LTBP1: variants seen among roughly 807,000 people sequenced by gnomAD.
LTBP1 encodes latent-transforming growth factor beta-binding protein 1.
LTBP1 carries 129 observed loss-of-function variants against 207.6 expected under a neutral mutation model. The ratio of observed to expected loss-of-function variants is 0.62; its 90% CI spans 0.54 to 0.72. The LOEUF is 0.72. Ranked by LOEUF, LTBP1 falls within the 30% of genes least tolerant of loss-of-function variation. LTBP1 has a pLI of 0.00. For synonymous variants in LTBP1, 963 were observed against 833.7 expected (o/e 1.16, Z -2.67); for missense variants, 2,281 against 2,217.2 (o/e 1.03, Z -0.58).
chr2:33,266,967 G>T (rs529677157), intron 15 of LTBP1, among the ~76,000 whole-genome samples: 1 of 152,224 alleles, frequency 6.6e-6, no homozygotes, highest in African/African-American at 2.4e-5. Context: ...CCTTTGGGGA[G>T]CCCAAACCTA....
intron 9 of LTBP1, among the ~76,000 whole-genome samples, chr2:33,242,455 T>A (rs1324015545): frequency 6.6e-6 from 1 of 152,220 alleles, no homozygotes; most frequent in Non-Finnish European, 1.5e-5. Context: ...CTGAATCTTC[T>A]GCTGCTACTG....
At chr2:33,176,895 C>T (rs75641248) in intron 5 of LTBP1, among the ~76,000 whole-genome samples, 4,699 of 152,236 alleles carry the variant, frequency 0.031, 99 homozygotes, top group Middle Eastern at 0.12. Context: ...ATCATAATTA[C>T]GAAGTTGATG....
At chr2:33,224,483 T>C (rs1033975718) in intron 9 of LTBP1, among the ~76,000 whole-genome samples, 3 of 152,362 alleles carry the variant, frequency 2.0e-5, no homozygotes, top group African/African-American at 7.2e-5. Context: ...ACAGAAGGCT[T>C]ACTCTCTCTT....
intron 4 of LTBP1, among the ~76,000 whole-genome samples, chr2:33,114,031 A>G (rs961934408): frequency 9.2e-5 from 14 of 152,246 alleles, no homozygotes; most frequent in Non-Finnish European, 1.5e-5. Context: ...TAGTAGAGAT[A>G]GGGTTTCACC....
At chr2:33,174,087 A>G (rs2085759835) in intron 5 of LTBP1, among the ~76,000 whole-genome samples, 1 of 147,212 alleles carries the variant, frequency 6.8e-6, no homozygotes, top group Non-Finnish European at 1.5e-5. Flanking sequence ...TCCCTTTGAA[A>G]AGTGGCACAA....
At chr2:33,064,399 A>G (rs1389880096) in intron 3 of LTBP1, among the ~76,000 whole-genome samples, 1 of 152,154 alleles carries the variant, frequency 6.6e-6, no homozygotes, top group African/African-American at 2.4e-5. Context: ...CTGACAGAAG[A>G]CAGGAGAATC....
intron 3 of LTBP1, among the ~76,000 whole-genome samples, chr2:33,051,807 A>G (rs766934610): frequency 6.6e-6 from 1 of 152,190 alleles, no homozygotes; most frequent in Non-Finnish European, 1.5e-5. Flanking sequence ...ATCTTGCTCA[A>G]TCTGCTAGGC....
In LTBP1 at chr2:33,389,170, T is replaced by C. The variant is rs778243638; in HGVS notation, c.4712-14T>C. The C allele has an allele frequency of 1.2e-6, 2 of 1,613,926 alleles. No homozygotes were observed. The highest frequency in any genetic ancestry group is 1.3e-5 in the African/African-American group (1 of 74,878). On this transcript the variant is annotated splice_polypyrimidine_tract_variant and intron_variant, in intron 31 of 33. Coordinates refer to ENST00000404816, the MANE Select transcript of LTBP1 (RefSeq NM_206943.4). Reference sequence around the variant, plus strand: ...AACAGTGGTGGGGCCTCATGCTGCTTGTCTACTCCTTAGATGACTATGCTC... The same window carrying C: ...AACAGTGGTGGGGCCTCATGCTGCTCGTCTACTCCTTAGATGACTATGCTC...
In LTBP1 at chr2:33,134,870, C is replaced by A; in HGVS notation, c.1111C>A (p.Gln371Lys). The change falls in exon 5 of 34, where the codon CAG (glutamine) becomes AAG (lysine). Residue 371 changes from glutamine to lysine, a missense_variant. This residue lies in a region of LTBP1 where 55 missense variants were observed against 91.5 expected (regional missense o/e 0.60). Coordinates refer to ENST00000404816, the MANE Select transcript of LTBP1 (RefSeq NM_206943.4). This position sits in a 1 kb window ranked among gnomAD's most constrained non-coding sequence, Gnocchi z 4.4. ...AGTGACCTGCACCAAGGGCAGCTGT[C>A]AGAACAGCTGTGAGAAGGGGAACAC... ...CKVTCTKGSC[Q>K]NSCEKGNTTT... 1 of 1,614,068 alleles carries A rather than the reference C, an allele frequency of 6.2e-7. No individual in the cohort carries two copies. Among genetic ancestry groups the A allele is most frequent in the Non-Finnish European group, 8.5e-7 (1 of 1,179,990 alleles).
At chr2:33,192,176 A>G (rs1006115081) in intron 7 of LTBP1, among the ~76,000 whole-genome samples, 3 of 152,212 alleles carry the variant, frequency 2.0e-5, no homozygotes, top group East Asian at 3.8e-4. Flanking sequence ...TTGGCAGGCT[A>G]TTGCACAAAT....
chr2:33,039,526 C>T (rs976193839), intron 3 of LTBP1, among the ~76,000 whole-genome samples: 1 of 152,182 alleles, frequency 6.6e-6, no homozygotes, highest in African/African-American at 2.4e-5. Context: ...TGTAACTTGG[C>T]AGCCTGCAGG....
intron 24 of LTBP1, among the ~76,000 whole-genome samples, chr2:33,318,632 G>A (rs1264207694): frequency 6.6e-6 from 1 of 152,136 alleles, no homozygotes; most frequent in African/African-American, 2.4e-5. Context: ...CAGGGGAACA[G>A]GACTCTTCTG....
chr2:33,305,186 T>C (rs1418247248), intron 22 of LTBP1, among the ~76,000 whole-genome samples: 2 of 151,260 alleles, frequency 1.3e-5, no homozygotes, highest in African/African-American at 4.9e-5. Flanking sequence ...TATCTGGGTG[T>C]GGCGGCGTGT....
At chr2:33,275,397 G>A (rs1333213881) in intron 17 of LTBP1, among the ~76,000 whole-genome samples, 3 of 152,112 alleles carry the variant, frequency 2.0e-5, no homozygotes, top group Non-Finnish European at 4.4e-5. Flanking sequence ...GTAGAAATCA[G>A]TTACTGGCCA....
At chr2:33,380,706 T>C (rs72861454) in intron 31 of LTBP1, among the ~76,000 whole-genome samples, 20,388 of 152,208 alleles carry the variant, frequency 0.13, 1,580 homozygotes, top group African/African-American at 0.2. Context: ...TTAAATATTT[T>C]CCCCTCCTGT....
intron 2 of LTBP1, among the ~76,000 whole-genome samples, chr2:32,979,371 A>G (rs910568291): frequency 2.0e-5 from 3 of 151,960 alleles, no homozygotes; most frequent in Non-Finnish European, 4.4e-5. Context: ...GCTGTATCCC[A>G]TAGGTATAGT....
At position 33,365,120 on chromosome 2, in the gene LTBP1, G is replaced by A. The variant is rs546429475; in HGVS notation, c.4541-213G>A. ...TATAGAGAACTATTGTGTCGGGACCGGATGGGCAGCTGGAATTTCAACTGA... is the reference window on the plus strand; with the variant it reads ...TATAGAGAACTATTGTGTCGGGACCAGATGGGCAGCTGGAATTTCAACTGA... On this transcript the variant is annotated intron_variant, in intron 30 of 33. Transcript: ENST00000404816. Among the ~76,000 whole-genome samples, 7 of 152,230 alleles carry A rather than the reference G, an allele frequency of 4.6e-5. No homozygotes were observed. In the South Asian group the frequency reaches 1.0e-3, roughly 23 times the overall value.
chr2:32,995,312 G>C (rs1685086316), intron 2 of LTBP1, among the ~76,000 whole-genome samples: 1 of 152,110 alleles, frequency 6.6e-6, no homozygotes, highest in Admixed American at 6.5e-5. Context: ...AATCTCCTGG[G>C]GGTCAAGTGC....
At chr2:33,129,827 C>T (rs1481506926) in intron 4 of LTBP1, among the ~76,000 whole-genome samples, 1 of 152,106 alleles carries the variant, frequency 6.6e-6, no homozygotes, top group Non-Finnish European at 1.5e-5. Flanking sequence ...GTTACTCCTG[C>T]CTCAGTAACT....
Sources: gnomAD v4.1 joint callset for allele counts (sites outside exome capture counted in the v4.1 genomes callset) on GRCh38, gnomAD v4.1.1 for gene constraint, gnomAD v4.1.1 regional missense constraint, Gnocchi (gnomAD v3.1) non-coding constraint, MANE v1.5 for transcripts, NCBI Gene and HGNC (gene_info 2026-07-23, HGNC 2026-07-21) for gene names.